Variants in ZNF385B observed in about 807,000 individuals in gnomAD.
ZNF385B encodes zinc finger protein 385B, also known as zinc finger protein 533.
Under a neutral mutation model 39.2 loss-of-function variants are expected in ZNF385B, and 23 were observed. That is an observed-to-expected ratio of 0.59 (90% confidence interval 0.42 to 0.83). The LOEUF (loss-of-function observed/expected upper bound fraction) is 0.83, where lower values mean the gene tolerates loss of function less well. Among genes scored for constraint, ZNF385B ranks in the 40% least tolerant of loss-of-function variants. The pLI, the probability that ZNF385B is intolerant of heterozygous loss-of-function variation, is 0.00. For synonymous variants in ZNF385B, 205 were observed against 222.6 expected (o/e 0.92, Z 0.70); for missense variants, 552 against 598.9 (o/e 0.92, Z 0.82).
chr2:179,714,068 G>A (rs1041951915), intron 3 of ZNF385B, among the ~76,000 whole-genome samples: 25 of 152,232 alleles, frequency 1.6e-4, no homozygotes, highest in African/African-American at 5.8e-4. Context: ...TGCCAAGTCA[G>A]TTTACTCTGC....
At chr2:179,761,971 C>T (rs769130482) in intron 3 of ZNF385B, among the ~76,000 whole-genome samples, 6 of 151,936 alleles carry the variant, frequency 3.9e-5, no homozygotes, top group Non-Finnish European at 7.4e-5. Flanking sequence ...ACATCCTTCC[C>T]CTGCTCTTGG....
chr2:179,791,381 C>T (rs943249980), intron 1 of ZNF385B, among the ~76,000 whole-genome samples: 1 of 152,200 alleles, frequency 6.6e-6, no homozygotes, highest in African/African-American at 2.4e-5. Flanking sequence ...GAGAGCTATA[C>T]TGACATCCTC....
At chr2:179,561,971 T>C (rs2105965574) in intron 3 of ZNF385B, among the ~76,000 whole-genome samples, 1 of 152,326 alleles carries the variant, frequency 6.6e-6, no homozygotes, top group African/African-American at 2.4e-5. Flanking sequence ...TCTGTCAATC[T>C]GAATGTGGAT....
chr2:179,454,566 TAGA>T (rs2050487113), intron 6 of ZNF385B, among the ~76,000 whole-genome samples: 1 of 152,186 alleles, frequency 6.6e-6, no homozygotes, highest in Non-Finnish European at 1.5e-5. Context: ...AGAGGTATTC[TAGA>T]AGAAGGCATT....
chr2:179,576,655 A>G (rs1559505771), intron 3 of ZNF385B, among the ~76,000 whole-genome samples: 1 of 152,208 alleles, frequency 6.6e-6, no homozygotes, highest in African/African-American at 2.4e-5. Flanking sequence ...CCAGTTCTGG[A>G]CAAATATTTA....
At chr2:179,582,050 C>T (rs1686591203) in intron 3 of ZNF385B, among the ~76,000 whole-genome samples, 1 of 152,166 alleles carries the variant, frequency 6.6e-6, no homozygotes, top group Admixed American at 6.5e-5. Context: ...TAAAGTCTCA[C>T]TACTCCAAGT....
intron 3 of ZNF385B, among the ~76,000 whole-genome samples, chr2:179,563,414 G>T (rs1684166966): frequency 6.6e-6 from 1 of 152,170 alleles, no homozygotes; most frequent in Non-Finnish European, 1.5e-5. Flanking sequence ...GCTTGCAAAT[G>T]TCAGGAAGGA....
chr2:179,707,646 GCCAGTGT>G (rs1355016229), intron 3 of ZNF385B, among the ~76,000 whole-genome samples: 2 of 152,230 alleles, frequency 1.3e-5, no homozygotes, highest in Non-Finnish European at 2.9e-5. Flanking sequence ...TGGTAGGACA[GCCAGTGT>G]CTTGGGCAGC....
intron 3 of ZNF385B, among the ~76,000 whole-genome samples, chr2:179,567,566 G>T (rs1246101203): frequency 6.6e-6 from 1 of 152,148 alleles, no homozygotes; most frequent in Non-Finnish European, 1.5e-5. Flanking sequence ...AACATCCACA[G>T]GGCAGGAAGC....
At chr2:179,673,687 T>C (rs1696359096) in intron 3 of ZNF385B, among the ~76,000 whole-genome samples, 1 of 152,200 alleles carries the variant, frequency 6.6e-6, no homozygotes, top group African/African-American at 2.4e-5. Flanking sequence ...TATTCATATG[T>C]ATTCTGACTC....
chr2:179,651,704 A>G (rs1055567011), intron 3 of ZNF385B, among the ~76,000 whole-genome samples: 18 of 152,086 alleles, frequency 1.2e-4, no homozygotes, highest in African/African-American at 4.3e-4. Flanking sequence ...CCAAATATGG[A>G]TCTGTAAGTG....
chr2:179,851,956 A>G (rs1311495875), intron 1 of ZNF385B, among the ~76,000 whole-genome samples: 1 of 152,224 alleles, frequency 6.6e-6, no homozygotes, highest in Non-Finnish European at 1.5e-5. Context: ...TCATTTTCCA[A>G]TACAATATTA....
intron 1 of ZNF385B, among the ~76,000 whole-genome samples, chr2:179,792,426 G>C (rs1350232919): frequency 7.3e-6 from 1 of 136,180 alleles, no homozygotes; most frequent in Non-Finnish European, 1.6e-5. Flanking sequence ...CCAGGCTGGA[G>C]TGCAGTGGCA....
chr2:179,596,399 C>G (rs1688003621), intron 3 of ZNF385B, among the ~76,000 whole-genome samples: 2 of 152,236 alleles, frequency 1.3e-5, no homozygotes, highest in South Asian at 2.1e-4. Context: ...CTCCCTGTTC[C>G]TTTCAGTCCA....
intron 3 of ZNF385B, among the ~76,000 whole-genome samples, chr2:179,689,815 GTGTGTGTGTGTT>G (rs370932202): frequency 0.068 from 9,322 of 136,588 alleles, 331 homozygotes; most frequent in Middle Eastern, 0.096. Flanking sequence ...GTGTGTGTGT[GTGTGTGTGTGTT>G]TATTTGTTTT....
At chr2:179,602,213 A>G (rs1574952156) in intron 3 of ZNF385B, among the ~76,000 whole-genome samples, 1 of 152,242 alleles carries the variant, frequency 6.6e-6, no homozygotes, top group South Asian at 2.1e-4. Context: ...AAGACACCAT[A>G]CAATTATAGG....
intron 1 of ZNF385B, among the ~76,000 whole-genome samples, chr2:179,777,015 T>C (rs1281443604): frequency 6.6e-6 from 1 of 152,030 alleles, no homozygotes; most frequent in Non-Finnish European, 1.5e-5. Context: ...ATAAGTGCTA[T>C]GATTAATTCA....
chr2:179,548,264 A>C (rs186101290), intron 3 of ZNF385B, among the ~76,000 whole-genome samples: 1 of 149,320 alleles, frequency 6.7e-6, no homozygotes, highest in African/African-American at 2.5e-5. Flanking sequence ...ACCTCTTTAG[A>C]TATCTGGTTT....
intron 3 of ZNF385B, among the ~76,000 whole-genome samples, chr2:179,664,562 T>C (rs973851901): frequency 6.6e-6 from 1 of 152,132 alleles, no homozygotes; most frequent in Non-Finnish European, 1.5e-5. Context: ...AGAAAAAAAT[T>C]GTTGTGTGAG....
Sources: gnomAD v4.1 joint callset for allele counts (sites outside exome capture counted in the v4.1 genomes callset) on GRCh38, gnomAD v4.1.1 for gene constraint, MANE v1.5 for transcripts, NCBI Gene and HGNC (gene_info 2026-07-23, HGNC 2026-07-21) for gene names.